Variants in SGCZ observed in about 807,000 individuals in gnomAD.
The protein encoded by SGCZ is sarcoglycan zeta.
Under a neutral mutation model 41.3 loss-of-function variants are expected in SGCZ, and 40 were observed. That is an observed-to-expected ratio of 0.97 (90% confidence interval 0.75 to 1.26). The LOEUF is 1.26. Ranked by LOEUF, SGCZ falls within the 50% of genes most tolerant of loss-of-function variation. SGCZ has a pLI of 0.00. For missense variants in SGCZ, 552 were observed against 369.8 expected, an observed-to-expected ratio of 1.49 and a Z score of -4.04; for synonymous variants, 206 against 137.5, an observed-to-expected ratio of 1.50 and a Z score of -3.49.
At chr8:14,880,394 G>C (rs926545135) in intron 1 of SGCZ, among the ~76,000 whole-genome samples, 16 of 152,150 alleles carry the variant, frequency 1.1e-4, no homozygotes, top group Non-Finnish European at 1.5e-5. Context: ...AGTCAGTGTG[G>C]TGATTTCTCA....
intron 3 of SGCZ, among the ~76,000 whole-genome samples, chr8:14,297,464 G>A (rs1336838963): frequency 2.6e-5 from 4 of 151,604 alleles, no homozygotes; most frequent in African/African-American, 9.7e-5. Flanking sequence ...AAAAACAGAA[G>A]TATCTTATTT....
intron 7 of SGCZ, among the ~76,000 whole-genome samples, chr8:14,091,722 G>A (rs1801694190): frequency 6.6e-6 from 1 of 152,080 alleles, no homozygotes; most frequent in Non-Finnish European, 1.5e-5. Context: ...GTAGGTTCTG[G>A]ATATTAACCG....
chr8:14,264,922 C>A (rs1799820898), intron 3 of SGCZ, among the ~76,000 whole-genome samples: 1 of 152,176 alleles, frequency 6.6e-6, no homozygotes, highest in East Asian at 1.9e-4. Context: ...GAGATGGCGC[C>A]ACTGCACTCC....
chr8:14,335,035 G>C (rs1802462451), intron 2 of SGCZ, among the ~76,000 whole-genome samples: 1 of 152,050 alleles, frequency 6.6e-6, no homozygotes, highest in East Asian at 1.9e-4. Context: ...AACAGAGAAA[G>C]GACAGAAAGC....
chr8:15,116,763 C>A (rs1807284798), intron 1 of SGCZ, among the ~76,000 whole-genome samples: 1 of 152,182 alleles, frequency 6.6e-6, no homozygotes, highest in South Asian at 2.1e-4. Context: ...TTTATCATTT[C>A]TCTCTTTCCT....
At chr8:14,138,247 C>G (rs1166097738) in intron 5 of SGCZ, among the ~76,000 whole-genome samples, 1 of 152,128 alleles carries the variant, frequency 6.6e-6, no homozygotes. Flanking sequence ...TAAAGACCAT[C>G]GAGGCTAGGA....
intron 1 of SGCZ, among the ~76,000 whole-genome samples, chr8:15,184,326 C>G (rs566906654): frequency 1.6e-4 from 24 of 152,154 alleles, no homozygotes; most frequent in Non-Finnish European, 3.2e-4. Context: ...AGTTAGGACA[C>G]GAACATGCAA....
chr8:14,653,362 C>T (rs1484139579), intron 1 of SGCZ, among the ~76,000 whole-genome samples: 1 of 152,050 alleles, frequency 6.6e-6, no homozygotes, highest in African/African-American at 2.4e-5. Context: ...ATGAAAGAAA[C>T]ATTTGAACTG....
At chr8:14,414,504 T>G (rs976042119) in intron 2 of SGCZ, among the ~76,000 whole-genome samples, 1 of 151,828 alleles carries the variant, frequency 6.6e-6, no homozygotes, top group African/African-American at 2.4e-5. Flanking sequence ...TGAGATAAAT[T>G]TAGGCAAATT....
At chr8:14,193,463 A>G (rs1048094056) in intron 4 of SGCZ, among the ~76,000 whole-genome samples, 1 of 152,092 alleles carries the variant, frequency 6.6e-6, no homozygotes, top group Non-Finnish European at 1.5e-5. Context: ...ATACCTTTCA[A>G]TATACACGGA....
intron 1 of SGCZ, among the ~76,000 whole-genome samples, chr8:15,001,598 G>C (rs1563425895): frequency 6.6e-6 from 1 of 151,872 alleles, no homozygotes; most frequent in Middle Eastern, 3.2e-3. Context: ...ACATGTTGGT[G>C]GGCACCTGTA....
At chr8:14,304,241 G>A (rs893370066) in intron 3 of SGCZ, among the ~76,000 whole-genome samples, 9 of 151,628 alleles carry the variant, frequency 5.9e-5, no homozygotes, top group South Asian at 2.1e-4. Flanking sequence ...CCAGGAGTTC[G>A]AGACCAGCCT....
chr8:14,820,945 T>C (rs1802058819), intron 1 of SGCZ, among the ~76,000 whole-genome samples: 1 of 147,220 alleles, frequency 6.8e-6, no homozygotes, highest in African/African-American at 2.5e-5. Flanking sequence ...TAGAAAAAAC[T>C]AAACTCAAAA....
At chr8:14,226,762 T>A (rs1286998267) in intron 4 of SGCZ, among the ~76,000 whole-genome samples, 1 of 152,094 alleles carries the variant, frequency 6.6e-6, no homozygotes, top group African/African-American at 2.4e-5. Context: ...CTGTTTAACT[T>A]GATAGGAACA....
intron 1 of SGCZ, among the ~76,000 whole-genome samples, chr8:14,562,839 G>A (rs1473330657): frequency 1.3e-5 from 2 of 152,098 alleles, no homozygotes; most frequent in East Asian, 3.9e-4. Context: ...AAATGAATGT[G>A]AGATCAATAA....
intron 1 of SGCZ, among the ~76,000 whole-genome samples, chr8:15,000,914 T>C (rs1267031908): frequency 6.6e-6 from 1 of 152,184 alleles, no homozygotes; most frequent in Admixed American, 6.5e-5. Flanking sequence ...CCCACATGTG[T>C]CTGTGTCCTT....
intron 1 of SGCZ, among the ~76,000 whole-genome samples, chr8:15,020,482 T>C (rs1289823217): frequency 6.6e-6 from 1 of 152,096 alleles, no homozygotes; most frequent in Non-Finnish European, 1.5e-5. Context: ...GAGATGTTCT[T>C]ATGCATACTG....
At chr8:14,458,025 G>C (rs1046571884) in intron 2 of SGCZ, among the ~76,000 whole-genome samples, 3 of 152,064 alleles carry the variant, frequency 2.0e-5, no homozygotes, top group Non-Finnish European at 4.4e-5. Flanking sequence ...GGGGCCTGTA[G>C]AACCATGGGT....
At chr8:14,675,836 C>G (rs1340751707) in intron 1 of SGCZ, among the ~76,000 whole-genome samples, 1 of 152,162 alleles carries the variant, frequency 6.6e-6, no homozygotes, top group Non-Finnish European at 1.5e-5. Context: ...AATTTCCAAA[C>G]TGCTGTGCAG....
Sources: allele counts gnomAD v4.1 joint callset (sites outside exome capture counted in the v4.1 genomes callset), GRCh38; gene constraint gnomAD v4.1.1; transcripts MANE v1.5; gene names NCBI Gene and HGNC (gene_info 2026-07-23, HGNC 2026-07-21).